ASIC1: variants seen among roughly 807,000 people sequenced by gnomAD.
ASIC1 encodes the protein acid sensing ion channel subunit 1.
A neutral mutation model predicts 63.4 loss-of-function variants in ASIC1; 21 were observed. The observed-to-expected ratio is 0.33, with a 90% CI of 0.23 to 0.48. ASIC1 has a LOEUF of 0.48. ASIC1 is among the 20% of genes least tolerant of loss of function. The pLI, the probability that ASIC1 is intolerant of heterozygous loss-of-function variation, is 0.99. For missense variants in ASIC1, 478 were observed against 695.5 expected (o/e 0.69, Z 3.52); for synonymous variants, 258 against 278.2 (o/e 0.93, Z 0.72).
chr12:50,058,435 ACTC>A (rs1395399675), intron 1 of ASIC1, among the ~76,000 whole-genome samples: 3 of 151,594 alleles, frequency 2.0e-5, no homozygotes, highest in Non-Finnish European at 4.4e-5. Context: ...TCTGGAGGGA[ACTC>A]CTGCGCCTGC....
Position 50,058,781 on chromosome 12 carries a change from C to CGAG in ASIC1, c.26_28dup (p.Glu9dup), listed in dbSNP as rs1565723020. On this transcript the variant is annotated inframe_insertion, in exon 2 of 12. Transcript: ENST00000447966. Reference sequence around the variant, plus strand: ...CCTCAACAAGGATGGAACTGAAGGCCGAGGAGGAGGAGGTGGGTGGCGTCC... The same window carrying CGAG: ...CCTCAACAAGGATGGAACTGAAGGCCGAGGAGGAGGAGGAGGTGGGTGGCGTCC... 6 of 1,584,730 alleles carry CGAG rather than the reference C, an allele frequency of 3.8e-6. No individual in the cohort carries two copies. The highest frequency in any genetic ancestry group is 2.3e-5 in the South Asian group (2 of 86,068).
intron 3 of ASIC1, chr12:50,076,716 C>A: frequency 4.0e-6 from 1 of 251,792 alleles, no homozygotes; most frequent in Non-Finnish European, 8.0e-6. Context: ...GAGCTGGGGG[C>A]AGGGTTAAGG....
Position 50,073,919 on chromosome 12 carries a change from CTTAT to C in ASIC1, c.559-3292_559-3289del. ...CTGTGCCAGGTAGGGGACCGCGTTG[CTTAT>C]TACCTCAGCTACCCACACGTGACCC... On this transcript the variant is annotated intron_variant, in intron 3 of 11. Coordinates refer to ENST00000447966, the MANE Select transcript of ASIC1 (RefSeq NM_001095.4). The C allele has an allele frequency of 2.0e-6, 3 of 1,535,802 alleles. No individual in the cohort carries two copies. In the South Asian group the frequency reaches 3.6e-5, roughly 18 times the overall value.
chr12:50,081,690 C>T lies in ASIC1; in HGVS notation c.*41C>T, dbSNP rs1950722341. ...GAACCAAAGGCCTAGATGGGGAGGA[C>T]TAGGAGAGCGAGGGGGCCCCCAGCT... On this transcript the variant is annotated 3_prime_UTR_variant, in exon 12 of 12. Coordinates refer to ENST00000447966, the MANE Select transcript of ASIC1 (RefSeq NM_001095.4). The T allele has an allele frequency of 1.9e-6, 3 of 1,594,238 alleles. No individual in the cohort carries two copies. Among genetic ancestry groups the T allele is most frequent in the Non-Finnish European group, 2.6e-6 (3 of 1,168,790 alleles).
At chr12:50,077,143 G>T (rs1266387625) in intron 3 of ASIC1, 70 bp from the exon 4 acceptor site, 1 of 1,608,920 alleles carries the variant, frequency 6.2e-7, no homozygotes. Context: ...AGCTGGGGTG[G>T]CTAGGAACAG....
At chr12:50,063,670 C>T (rs1002932911) in intron 3 of ASIC1, among the ~76,000 whole-genome samples, 1 of 152,104 alleles carries the variant, frequency 6.6e-6, no homozygotes, top group Admixed American at 6.5e-5. Context: ...CCCTGCAATC[C>T]ACTGCTAGGT....
At chr12:50,065,966 C>T (rs914352389) in intron 3 of ASIC1, among the ~76,000 whole-genome samples, 1 of 152,228 alleles carries the variant, frequency 6.6e-6, no homozygotes, top group African/African-American at 2.4e-5. Flanking sequence ...AGCATGCAAG[C>T]ACACATGTGC....
rs1214266511 is a variant in ASIC1 at position 50,082,573 on chromosome 12, C to T, written c.*924C>T. On this transcript the variant is annotated 3_prime_UTR_variant, in exon 12 of 12. Coordinates refer to ENST00000447966, the MANE Select transcript of ASIC1 (RefSeq NM_001095.4). ...TCTATATGATACAGACTCTATATTG[C>T]TATATCTCTGTATATACTTTCCCAG... 1.3e-5 allele frequency: 2 copies of T among 152,614 alleles called. No homozygotes were observed. The highest frequency in any genetic ancestry group is 2.9e-5 in the Non-Finnish European group (2 of 68,042). The allele number at this position is 152,614 out of a possible 1,614,324, so 9.5% of individuals were successfully genotyped here. A position where few individuals can be genotyped will look rare whatever the true frequency, so the allele number is the denominator to read the frequency against.
Position 50,074,686 on chromosome 12 carries a change from C to T in ASIC1, c.559-2527C>T, listed in dbSNP as rs906636389. ...TGGACTGAAGCTGGGGTGGGTGCTG[C>T]CTGGTCTCTGGTGGTACAAGAGAAG... is the stretch of plus-strand genomic sequence containing the variant. On this transcript the variant is annotated intron_variant, in intron 3 of 11. Coordinates refer to ENST00000447966, the MANE Select transcript of ASIC1 (RefSeq NM_001095.4). This position sits in a 1 kb window ranked among gnomAD's most constrained non-coding sequence, Gnocchi z 4.2. Among the ~76,000 whole-genome samples the T allele has an allele frequency of 1.3e-5, 2 of 152,064 alleles. No homozygotes were observed. The highest frequency in any genetic ancestry group is 2.4e-5 in the African/African-American group (1 of 41,400).
rs748113328 is a variant in ASIC1, at chr12:50,081,565, G to C, written c.1503G>C (p.Arg501=). The C allele has an allele frequency of 1.2e-6, 2 of 1,614,122 alleles. No homozygotes were observed. ...CCCAGAACCCGTGCGAGAGCCTTCG[G>C]GGCCACCCTGCCGGGATGACATACG... ...VKRHNPCESL[R]GHPAGMTYAA... is the part of the protein sequence containing the mutation. The change falls in exon 12 of 12, where the codon CGG becomes CGC. Residue 501 remains arginine, a synonymous_variant. Transcript: ENST00000447966.
At chr12:50,073,660 G>A (rs1053497326) in intron 3 of ASIC1, 8 of 1,536,278 alleles carry the variant, frequency 5.2e-6, no homozygotes, top group Non-Finnish European at 7.0e-6. Context: ...AGATATTTGG[G>A]GTCCCCACCA....
Position 50,080,496 on chromosome 12 carries a change from A to G in ASIC1, c.1206-2A>G, listed in dbSNP as rs1427219131. The G allele has an allele frequency of 1.2e-6, 2 of 1,613,918 alleles. No individual in the cohort carries two copies. Among genetic ancestry groups the G allele is most frequent in the Admixed American group, 1.7e-5 (1 of 59,998 alleles). ...AGGTCTCCTCCCCCAATCCCTGTGC[A>G]GGGAGAACATCCTGGTGCTGGACAT... On this transcript the variant is annotated splice_acceptor_variant, in intron 8 of 11. Coordinates refer to ENST00000447966, the MANE Select transcript of ASIC1 (RefSeq NM_001095.4). LOFTEE classifies it high-confidence loss of function.
intron 3 of ASIC1, among the ~76,000 whole-genome samples, chr12:50,068,245 T>G (rs1484318501): frequency 6.6e-6 from 1 of 152,210 alleles, no homozygotes; most frequent in Non-Finnish European, 1.5e-5. Context: ...TATATGAATA[T>G]GCCACAATTG....
chr12:50,065,216 G>A (rs781271144), intron 3 of ASIC1, among the ~76,000 whole-genome samples: 8 of 152,192 alleles, frequency 5.3e-5, no homozygotes, highest in Non-Finnish European at 1.0e-4. Flanking sequence ...TATGTTTGGG[G>A]TGGCCAATGC....
intron 3 of ASIC1, chr12:50,073,488 G>A: frequency 7.0e-7 from 1 of 1,428,528 alleles, no homozygotes; most frequent in African/African-American, 1.4e-5. Context: ...TGGGTGGCTG[G>A]CTCTGCCGGA....
chr12:50,069,256 TTTTATTTATTTATTTA>T (rs58172412), intron 3 of ASIC1, among the ~76,000 whole-genome samples: 4,879 of 146,336 alleles, frequency 0.033, 264 homozygotes, highest in African/African-American at 0.11. Context: ...TTATTTTTTA[TTTTATTTATTTATTTA>T]TTTATTTATT....
At chr12:50,058,078 G>T (rs796606665) in intron 1 of ASIC1, among the ~76,000 whole-genome samples, 162 bp downstream of exon 1, 1 of 151,998 alleles carries the variant, frequency 6.6e-6, no homozygotes, top group Non-Finnish European at 1.5e-5. Flanking sequence ...AGCTGGACTG[G>T]GGGGGGCTGC....
Position 50,057,750 on chromosome 12 carries a change from A to AGCGGGGCCGG in ASIC1, c.-175_-166dup, listed in dbSNP as rs1189738368. ...CGGGCGGGCGGACAGATCGGAGCCGAGCGGGGCCGGGCGGGGCGCTCCCTG... is the reference window on the plus strand; with the variant it reads ...CGGGCGGGCGGACAGATCGGAGCCGAGCGGGGCCGGGCGGGGCCGGGCGGGGCGCTCCCTG... On this transcript the variant is annotated 5_prime_UTR_variant, in exon 1 of 12. Transcript: ENST00000447966. This position sits in a 1 kb window ranked among gnomAD's most constrained non-coding sequence, Gnocchi z 4.7. 6.7e-6 allele frequency: 1 copy of AGCGGGGCCGG among 150,328 alleles called. No individual in the cohort carries two copies. Among genetic ancestry groups the AGCGGGGCCGG allele is most frequent in the Non-Finnish European group, 1.5e-5 (1 of 67,512 alleles). 9.3% of individuals were successfully genotyped at this position (150,328 alleles called of 1,614,324 possible). A position where few individuals can be genotyped will look rare whatever the true frequency, so the allele number is the denominator to read the frequency against.
chr12:50,077,916 C>G, intron 4 of ASIC1, 84 bp from the exon 5 acceptor site: 1 of 1,534,340 alleles, frequency 6.5e-7, no homozygotes, highest in Admixed American at 2.0e-5. Flanking sequence ...ATGCTTATTT[C>G]CAGGAGAGGT....
Sources: gnomAD v4.1 joint callset for allele counts (sites outside exome capture counted in the v4.1 genomes callset) on GRCh38, gnomAD v4.1.1 for gene constraint, Gnocchi (gnomAD v3.1) non-coding constraint, MANE v1.5 for transcripts, NCBI Gene and HGNC (gene_info 2026-07-23, HGNC 2026-07-21) for gene names.